Variants in PRKG1 observed in about 807,000 individuals in gnomAD.
The protein encoded by PRKG1 is protein kinase cGMP-dependent 1, also known as cGMP-dependent protein kinase 1.
In PRKG1, 35 loss-of-function variants were observed where a neutral mutation model predicts 88.1. That is an observed-to-expected ratio of 0.40 (90% CI 0.30 to 0.53). The LOEUF is 0.53. Ranked by LOEUF, PRKG1 falls within the 20% of genes least tolerant of loss-of-function variation. PRKG1 has a pLI of 0.59. For missense variants in PRKG1, 540 were observed against 839.8 expected (o/e 0.64, Z 4.41); for synonymous variants, 303 against 292.5 (o/e 1.04, Z -0.37).
chr10:52,091,589 T>C (rs933883100), intron 7 of PRKG1, among the ~76,000 whole-genome samples: 3 of 152,200 alleles, frequency 2.0e-5, no homozygotes, highest in Non-Finnish European at 4.4e-5. Flanking sequence ...GAGATAAAAG[T>C]GTCCCCTTTG....
intron 3 of PRKG1, among the ~76,000 whole-genome samples, chr10:51,744,830 G>A (rs776696790): frequency 6.6e-6 from 1 of 152,100 alleles, no homozygotes; most frequent in Admixed American, 6.6e-5. Flanking sequence ...CAAGCACATC[G>A]ACCTGTAGAG....
chr10:51,741,103 G>A (rs12252946), intron 3 of PRKG1, among the ~76,000 whole-genome samples: 11,579 of 151,710 alleles, frequency 0.076, 484 homozygotes, highest in East Asian at 0.089. Flanking sequence ...TAAACTTAAT[G>A]TTGGGAAACA....
intron 5 of PRKG1, among the ~76,000 whole-genome samples, chr10:51,991,284 G>C (rs80299763): frequency 1.3e-5 from 2 of 151,986 alleles, no homozygotes; most frequent in African/African-American, 4.8e-5. Context: ...TGCAAACTGG[G>C]ACAATTTTAA....
intron 7 of PRKG1, among the ~76,000 whole-genome samples, chr10:52,097,662 T>C (rs1464139806): frequency 6.6e-6 from 1 of 152,200 alleles, no homozygotes; most frequent in Non-Finnish European, 1.5e-5. Context: ...ATAAGAGGGC[T>C]TTGTGTTCTT....
intron 3 of PRKG1, among the ~76,000 whole-genome samples, chr10:51,712,055 C>G (rs1194112825): frequency 2.6e-5 from 4 of 152,062 alleles, no homozygotes; most frequent in African/African-American, 9.7e-5. Flanking sequence ...GATACAGGAG[C>G]CTTCATAAGG....
chr10:52,193,994 T>C (rs1267243286), intron 9 of PRKG1, among the ~76,000 whole-genome samples: 2 of 152,192 alleles, frequency 1.3e-5, no homozygotes, highest in Non-Finnish European at 2.9e-5. Context: ...GGTAGCTATT[T>C]TGTCTCTTAT....
Position 51,236,508 on chromosome 10 carries a change from CT to C in PRKG1, c.478+83192del, listed in dbSNP as rs200767015. Reference sequence around the variant, plus strand: ...GTTCATCTATCCAATAAACCAGGTTCTTTTTTTTTTTTTTAATGGAGTCTTG... The same window carrying C: ...GTTCATCTATCCAATAAACCAGGTTCTTTTTTTTTTTTTAATGGAGTCTTG... On this transcript the variant is annotated intron_variant, in intron 2 of 17. Coordinates refer to ENST00000373980, the MANE Select transcript of PRKG1 (RefSeq NM_006258.4). Among the ~76,000 whole-genome samples the C allele has an allele frequency of 6.8e-3, 941 of 137,922 alleles. 2 individuals carry two copies. The highest frequency in any genetic ancestry group is 7.2e-3 in the Admixed American group (99 of 13,714). The allele number at this position is 137,922 out of a possible 152,430, so 90.5% of individuals were successfully genotyped here.
At chr10:51,452,185 T>C (rs1312234987) in intron 2 of PRKG1, among the ~76,000 whole-genome samples, 2 of 151,894 alleles carry the variant, frequency 1.3e-5, no homozygotes, top group African/African-American at 4.8e-5. Flanking sequence ...TAAAAAGAAA[T>C]TGTAGCTGTT....
At chr10:51,672,616 T>A (rs1378375370) in intron 3 of PRKG1, among the ~76,000 whole-genome samples, 1 of 152,206 alleles carries the variant, frequency 6.6e-6, no homozygotes, top group Non-Finnish European at 1.5e-5. Flanking sequence ...GACTCCTTCA[T>A]GTGGGATCAT....
At chr10:52,272,521 A>G (rs554316259) in intron 12 of PRKG1, 40 bp downstream of exon 12, 1 of 1,413,374 alleles carries the variant, frequency 7.1e-7, no homozygotes, top group East Asian at 2.3e-5. Context: ...CTCTAAAAAC[A>G]GTTGCCCATG....
chr10:51,722,760 C>T (rs998272601), intron 3 of PRKG1, among the ~76,000 whole-genome samples: 9 of 152,188 alleles, frequency 5.9e-5, no homozygotes, highest in Admixed American at 5.2e-4. Flanking sequence ...ATTTAGAATT[C>T]TATCTACATT....
intron 7 of PRKG1, among the ~76,000 whole-genome samples, chr10:52,113,687 T>C (rs1847620629): frequency 6.6e-6 from 1 of 152,138 alleles, no homozygotes; most frequent in Admixed American, 6.5e-5. Context: ...AGAGCAAAGA[T>C]GGCAAATGAT....
chr10:51,851,983 A>G (rs1840566085), intron 4 of PRKG1, among the ~76,000 whole-genome samples: 1 of 151,992 alleles, frequency 6.6e-6, no homozygotes, highest in South Asian at 2.1e-4. Context: ...ACATAGACAC[A>G]TGTTTCAGGC....
intron 3 of PRKG1, among the ~76,000 whole-genome samples, chr10:51,778,394 T>A (rs985877163): frequency 6.6e-6 from 1 of 152,192 alleles, no homozygotes; most frequent in South Asian, 2.1e-4. Flanking sequence ...CCAGTGCTAC[T>A]GACCAGCAGC....
chr10:51,474,697 A>G (rs1840144572), intron 3 of PRKG1, among the ~76,000 whole-genome samples: 1 of 152,018 alleles, frequency 6.6e-6, no homozygotes, highest in Non-Finnish European at 1.5e-5. Flanking sequence ...AACAGCAGCT[A>G]AAGACAATGA....
intron 8 of PRKG1, among the ~76,000 whole-genome samples, chr10:52,137,763 C>A (rs972622657): frequency 6.6e-6 from 1 of 152,068 alleles, no homozygotes; most frequent in African/African-American, 2.4e-5. Context: ...TCTTTTTCAG[C>A]TAAATCTTTT....
At chr10:51,982,341 A>G (rs1282717845) in intron 5 of PRKG1, among the ~76,000 whole-genome samples, 1 of 152,116 alleles carries the variant, frequency 6.6e-6, no homozygotes, top group Non-Finnish European at 1.5e-5. Flanking sequence ...CTGGTTCACA[A>G]CTTTTGCCGG....
At chr10:51,628,958 T>C in intron 3 of PRKG1, among the ~76,000 whole-genome samples, 1 of 101,424 alleles carries the variant, frequency 9.9e-6, no homozygotes, top group African/African-American at 3.9e-5. Flanking sequence ...AGAGCGAGAC[T>C]CCGTCTCAAA....
intron 2 of PRKG1, among the ~76,000 whole-genome samples, chr10:51,419,238 A>G (rs1264490149): frequency 6.6e-6 from 1 of 152,212 alleles, no homozygotes; most frequent in Non-Finnish European, 1.5e-5. Context: ...AAATAGTCAC[A>G]GGTATACAGC....
Sources: allele counts gnomAD v4.1 joint callset (sites outside exome capture counted in the v4.1 genomes callset), GRCh38; gene constraint gnomAD v4.1.1; transcripts MANE v1.5; gene names NCBI Gene and HGNC (gene_info 2026-07-23, HGNC 2026-07-21).